The following SLC22A24 variants were observed in gnomAD, a reference collection of about 807,000 sequenced individuals.
SLC22A24 encodes steroid transmembrane transporter SLC22A24.
SLC22A24 carries 53 observed loss-of-function variants against 49.8 expected under a neutral mutation model. The observed-to-expected ratio is 1.06, with a 90% confidence interval of 0.85 to 1.34. The LOEUF is 1.34. Among genes scored for constraint, SLC22A24 ranks in the 40% most tolerant of loss-of-function variants. The probability of loss-of-function intolerance (pLI) is 0.00; values close to 1 mark genes in which losing one functional copy is unlikely to be tolerated. For synonymous variants in SLC22A24, 302 were observed against 256.4 expected (o/e 1.18, Z -1.70); for missense variants, 786 against 675.9 (o/e 1.16, Z -1.81).
At chr11:63,080,849 G>T in intron 9 of SLC22A24, 71 bp downstream of exon 9, 1 of 1,358,504 alleles carries the variant, frequency 7.4e-7, no homozygotes, top group Non-Finnish European at 1.0e-6. Flanking sequence ...AATGGTCGTT[G>T]ACCTTTCTCA....
intron 4 of SLC22A24, among the ~76,000 whole-genome samples, chr11:63,106,139 T>A (rs2087120303): frequency 7.0e-6 from 1 of 142,748 alleles, no homozygotes; most frequent in Non-Finnish European, 1.5e-5. Context: ...TGTCCATGTG[T>A]TCTCATTGTT....
At chr11:63,123,188 C>T (rs1004477482) in intron 2 of SLC22A24, among the ~76,000 whole-genome samples, 1 of 152,048 alleles carries the variant, frequency 6.6e-6, no homozygotes, top group Non-Finnish European at 1.5e-5. Flanking sequence ...AATGAGGGCA[C>T]AGTTGTATAC....
At chr11:63,127,753 G>A (rs763511176) in intron 2 of SLC22A24, among the ~76,000 whole-genome samples, 1 of 152,122 alleles carries the variant, frequency 6.6e-6, no homozygotes, top group Non-Finnish European at 1.5e-5. Flanking sequence ...TTTTTCATAT[G>A]TCTGTTTTCT....
Position 63,143,904 on chromosome 11 carries a change from C to T in SLC22A24, c.-125G>A. 3.9e-6 allele frequency: 3 copies of T among 777,172 alleles called. No individual in the cohort carries two copies. The highest frequency in any genetic ancestry group is 5.4e-6 in the Non-Finnish European group (3 of 556,860). The allele number at this position is 777,172 out of a possible 1,614,324, so 48.1% of individuals were successfully genotyped here. A position where few individuals can be genotyped will look rare whatever the true frequency, so the allele number is the denominator to read the frequency against. ...ATGTGGATCCTGACACTGCTTTCTT[C>T]TTGGTGGGCCCTGCACTGAGTGGTG... On this transcript the variant is annotated 5_prime_UTR_variant, in exon 1 of 10. Coordinates refer to ENST00000612278, the MANE Select transcript of SLC22A24 (RefSeq NM_001136506.2).
At chr11:63,114,741 G>A (rs1274433225) in intron 4 of SLC22A24, among the ~76,000 whole-genome samples, 1 of 152,104 alleles carries the variant, frequency 6.6e-6, no homozygotes, top group Non-Finnish European at 1.5e-5. Context: ...ATGGGGTTTT[G>A]GTGTGGATAT....
chr11:63,101,877 G>A (rs2087093352), intron 5 of SLC22A24, among the ~76,000 whole-genome samples: 1 of 152,032 alleles, frequency 6.6e-6, no homozygotes, highest in African/African-American at 2.4e-5. Flanking sequence ...ATTTGTGGGA[G>A]CTAAAAATTA....
chr11:63,112,625 C>T (rs1292997550), intron 4 of SLC22A24, among the ~76,000 whole-genome samples: 3 of 152,000 alleles, frequency 2.0e-5, no homozygotes, highest in Non-Finnish European at 4.4e-5. Context: ...CAGTTGTGCT[C>T]AGATCTTAGT....
intron 1 of SLC22A24, chr11:63,137,790 A>G (rs2087386214): frequency 6.6e-6 from 1 of 152,206 alleles, no homozygotes; most frequent in East Asian, 1.9e-4. Flanking sequence ...CAGCTATAGC[A>G]CAAGTGAGCA....
At chr11:63,092,757 C>A (rs2087028749) in intron 6 of SLC22A24, among the ~76,000 whole-genome samples, 1 of 151,688 alleles carries the variant, frequency 6.6e-6, no homozygotes, top group African/African-American at 2.4e-5. Context: ...AAAAGCTAGG[C>A]AGTGCCATTC....
At chr11:63,098,029 A>G (rs764586979) in intron 5 of SLC22A24, among the ~76,000 whole-genome samples, 5 of 152,162 alleles carry the variant, frequency 3.3e-5, no homozygotes, top group Non-Finnish European at 7.4e-5. Flanking sequence ...TGGCACATGT[A>G]TACCTATGTA....
chr11:63,104,481 A>C lies in SLC22A24; in HGVS notation c.831-183T>G, dbSNP rs369525505. Among the ~76,000 whole-genome samples the C allele has an allele frequency of 5.1e-4, 77 of 152,250 alleles. 1 individual carries two copies. In the South Asian group the frequency reaches 7.3e-3, roughly 14 times the overall value. On this transcript the variant is annotated intron_variant, in intron 4 of 9. Coordinates refer to ENST00000612278, the MANE Select transcript of SLC22A24 (RefSeq NM_001136506.2). ...TGAAGGATGTATCTGGCCATCAATA[A>C]GTGTTTGTTAAAGTGATTATACAGA...
At chr11:63,141,642 G>T (rs2087416439) in intron 1 of SLC22A24, among the ~76,000 whole-genome samples, 1 of 152,194 alleles carries the variant, frequency 6.6e-6, no homozygotes. Flanking sequence ...ATCTTGAGGA[G>T]AGGACTTTGT....
chr11:63,135,453 C>T (rs2087366870), intron 1 of SLC22A24, among the ~76,000 whole-genome samples: 1 of 152,182 alleles, frequency 6.6e-6, no homozygotes, highest in Non-Finnish European at 1.5e-5. Flanking sequence ...AATTATAGGT[C>T]TTTCTCCCTA....
intron 1 of SLC22A24, among the ~76,000 whole-genome samples, chr11:63,142,251 CCT>C (rs1193760332): frequency 1.3e-5 from 2 of 152,170 alleles, no homozygotes; most frequent in Admixed American, 1.3e-4. Context: ...CATTATGTCC[CCT>C]GTCAGCAGGA....
intron 6 of SLC22A24, among the ~76,000 whole-genome samples, chr11:63,091,324 G>T (rs2087019357): frequency 6.6e-6 from 1 of 151,562 alleles, no homozygotes; most frequent in Non-Finnish European, 1.5e-5. Flanking sequence ...TCTACCAGAG[G>T]TACAAAGAGG....
rs1014659774 is a variant in SLC22A24, at chr11:63,109,158, C to G, written c.831-4860G>C. 3.8e-3 allele frequency among the ~76,000 whole-genome samples: 575 copies of G among 150,688 alleles called. 2 individuals carry two copies. Among genetic ancestry groups the G allele is most frequent in the Non-Finnish European group, 6.6e-3 (448 of 67,636 alleles). On this transcript the variant is annotated intron_variant, in intron 4 of 9. Coordinates refer to ENST00000612278, the MANE Select transcript of SLC22A24 (RefSeq NM_001136506.2). Reference sequence around the variant, plus strand: ...GATGATTTCCAGTTTCATCCATGTTCCTACAAAGGACATGAACTCATCATT... The same window carrying G: ...GATGATTTCCAGTTTCATCCATGTTGCTACAAAGGACATGAACTCATCATT...
In SLC22A24 at chr11:63,133,093, G is replaced by C. The variant is rs986202993; in HGVS notation, c.506+1572C>G. 5.9e-5 allele frequency among the ~76,000 whole-genome samples: 9 copies of C among 152,232 alleles called. No individual in the cohort carries two copies. In the East Asian group the frequency reaches 1.6e-3, roughly 26 times the overall value. On this transcript the variant is annotated intron_variant, in intron 2 of 9. Coordinates refer to ENST00000612278, the MANE Select transcript of SLC22A24 (RefSeq NM_001136506.2). ...GACTGGTGCACTAGCAGTGAGCAAG[G>C]CTCAGTGGGCATGGGACCCACCGAG...
At chr11:63,105,663 G>A (rs1226092459) in intron 4 of SLC22A24, among the ~76,000 whole-genome samples, 1 of 152,066 alleles carries the variant, frequency 6.6e-6, no homozygotes, top group East Asian at 1.9e-4. Flanking sequence ...GGGTCCCTTG[G>A]TTTAGCCCAG....
At chr11:63,124,751 C>T (rs1022484449) in intron 2 of SLC22A24, among the ~76,000 whole-genome samples, 1 of 152,134 alleles carries the variant, frequency 6.6e-6, no homozygotes, top group African/African-American at 2.4e-5. Context: ...GGCACATATA[C>T]ACCATGGAAT....
Sources: gnomAD v4.1 joint callset for allele counts (sites outside exome capture counted in the v4.1 genomes callset) on GRCh38, gnomAD v4.1.1 for gene constraint, MANE v1.5 for transcripts, NCBI Gene and HGNC (gene_info 2026-07-23, HGNC 2026-07-21) for gene names.